NUP153: variants seen among roughly 807,000 people sequenced by gnomAD.
The protein encoded by NUP153 is nuclear pore complex protein Nup153.
NUP153 carries 27 observed loss-of-function variants against 134.6 expected under a neutral mutation model. That is an observed-to-expected ratio of 0.20 (90% CI 0.15 to 0.28). The LOEUF is 0.28. NUP153 is among the 10% of genes least tolerant of loss of function. NUP153 has a pLI of 1.00. For missense variants in NUP153, 1,821 were observed against 1,731.3 expected (o/e 1.05, Z -0.92); for synonymous variants, 640 against 623.5 (o/e 1.03, Z -0.40).
chr6:17,675,294 G>T lies in NUP153; in HGVS notation c.658C>A (p.Gln220Lys). The T allele has an allele frequency of 6.2e-7, 1 of 1,614,176 alleles. No individual in the cohort carries two copies. The stretch of plus-strand genomic sequence containing the variant: ...TTTTTTGAGCTGGTGGCAGTGTGCT[G>T]TGAGAGTGAGTGAGAACGTTCAGCT... ...PEAERSHSLS[Q>K]HTATSSKKPA... Residue 220 changes from glutamine to lysine, a missense_variant, in exon 4 of 22, where the codon CAG becomes AAG. Gln to Lys is a moderately conservative substitution (Grantham distance 53). Transcript: ENST00000262077. This position sits in a 1 kb window ranked among gnomAD's most constrained non-coding sequence, Gnocchi z 4.4.
Position 17,637,234 on chromosome 6 carries a change from C to T in NUP153, c.2383G>A (p.Gly795Arg), listed in dbSNP as rs1463266863. 1.9e-6 allele frequency: 3 copies of T among 1,614,166 alleles called. No homozygotes were observed. Among genetic ancestry groups the T allele is most frequent in the Non-Finnish European group, 2.5e-6 (3 of 1,180,030 alleles). Reference sequence around the variant, plus strand: ...CAGCATACTGAACACTCCCAAGATCCAATGGGCCTTTTGAATTTATCTCCA... The same window carrying T: ...CAGCATACTGAACACTCCCAAGATCTAATGGGCCTTTTGAATTTATCTCCA... ...GFGDKFKRPI[G>R]SWECSVCCVS... The change falls in exon 16 of 22, where the codon GGA becomes AGA. Residue 795 changes from glycine (G) to arginine (R), a missense_variant. Gly to Arg is a moderately radical substitution (Grantham distance 125). Transcript: ENST00000262077.
At chr6:17,684,393 G>C (rs1011536678) in intron 2 of NUP153, among the ~76,000 whole-genome samples, 20 of 152,124 alleles carry the variant, frequency 1.3e-4, no homozygotes, top group African/African-American at 4.8e-4. Flanking sequence ...CTGGCTTCCA[G>C]CTTTTCTCCT....
At position 17,646,173 on chromosome 6, in the gene NUP153, T is replaced by C. The variant is rs1228830758; in HGVS notation, c.1633-19A>G. ...ATCCAATCTGTAAAGAGAAAGAATA[T>C]CCTTATACTTCGTTTTCAATAAGTA... is the stretch of plus-strand genomic sequence containing the variant. On this transcript the variant is annotated intron_variant, in intron 13 of 21. Coordinates refer to ENST00000262077, the MANE Select transcript of NUP153 (RefSeq NM_005124.4). 42 of 1,316,240 alleles carry C rather than the reference T, an allele frequency of 3.2e-5. No individual in the cohort carries two copies. In the East Asian group the frequency reaches 8.1e-4, roughly 25 times the overall value. 81.5% of individuals were successfully genotyped at this position (1,316,240 alleles called of 1,614,324 possible).
chr6:17,630,215 G>A (rs1388197155), intron 17 of NUP153, among the ~76,000 whole-genome samples: 1 of 152,108 alleles, frequency 6.6e-6, no homozygotes, highest in African/African-American at 2.4e-5. Context: ...GAGGGAAGGT[G>A]GAAAAAGAGA....
chr6:17,641,692 A>G lies in NUP153; in HGVS notation c.1721-1628T>C, dbSNP rs1765849910. On this transcript the variant is annotated intron_variant, in intron 14 of 21. Transcript: ENST00000262077. ...CATGGTGAAACCCCGTTTCTACTAA[A>G]AATACAAAACAAATTAGCCGGGCGT... Among the ~76,000 whole-genome samples, 3 of 152,128 alleles carry G rather than the reference A, an allele frequency of 2.0e-5. No homozygotes were observed. In the South Asian group the frequency reaches 6.2e-4, roughly 32 times the overall value.
rs1765623998 is a variant in NUP153, at chr6:17,637,651, A to C, written c.1966T>G (p.Leu656Val). 6.2e-7 allele frequency: 1 copy of C among 1,613,618 alleles called. No individual in the cohort carries two copies. The highest frequency in any genetic ancestry group is 1.3e-5 in the African/African-American group (1 of 74,848). The change falls in exon 16 of 22, where the codon TTA (leucine) becomes GTA (valine). Residue 656 changes from leucine to valine, a missense_variant. By Grantham distance (32) the Leu-to-Val change is conservative (BLOSUM62 1). Transcript: ENST00000262077. ...SSSGIGFGESLKAGSSWQCDT... is the reference protein window; with the variant it reads ...SSSGIGFGESVKAGSSWQCDT... ...CACTGCCATGATGACCCAGCTTTTA[A>C]ACTCTCCCCAAACCCAATTCCACTA...
chr6:17,705,171 T>C (rs1770399002), intron 1 of NUP153, among the ~76,000 whole-genome samples: 2 of 152,246 alleles, frequency 1.3e-5, no homozygotes, highest in African/African-American at 4.8e-5. Context: ...AAGTCTACCT[T>C]TAACAGTAGG....
chr6:17,639,905 TG>T, intron 15 of NUP153, 33 bp downstream of exon 15: 1 of 1,570,824 alleles, frequency 6.4e-7, no homozygotes, highest in South Asian at 1.2e-5. Context: ...ATCATGAGTT[TG>T]TAATCAAAAG....
intron 1 of NUP153, among the ~76,000 whole-genome samples, chr6:17,693,876 C>G (rs957928653): frequency 1.3e-5 from 2 of 152,088 alleles, no homozygotes; most frequent in Non-Finnish European, 2.9e-5. Context: ...CCCAGCACTC[C>G]CAAAGTGCAC....
intron 1 of NUP153, among the ~76,000 whole-genome samples, chr6:17,692,660 GAAAAAGTT>G (rs1769356175): frequency 6.6e-6 from 1 of 152,148 alleles, no homozygotes. Context: ...AAGTCATTAA[GAAAAAGTT>G]AAATTAAGCT....
rs779964589 is a variant in NUP153 at position 17,625,920 on chromosome 6, T to C, written c.3789A>G (p.Thr1263=). The C allele has an allele frequency of 2.1e-5, 34 of 1,614,118 alleles. No homozygotes were observed. ...LFSQDSKLAT[T]SSTGTAVTPF... ...GGGTGACAGCTGTACCTGTGCTGGA[T>C]GTGGTTGCTAGTTTGCTATCTTGAG... The change falls in exon 19 of 22, where the codon ACA becomes ACG. Residue 1263 remains threonine, a synonymous_variant. Coordinates refer to ENST00000262077, the MANE Select transcript of NUP153 (RefSeq NM_005124.4). This position sits in a 1 kb window ranked among gnomAD's most constrained non-coding sequence, Gnocchi z 4.7.
chr6:17,659,823 A>G (rs1767076226), intron 11 of NUP153, among the ~76,000 whole-genome samples: 1 of 152,202 alleles, frequency 6.6e-6, no homozygotes, highest in Admixed American at 6.5e-5. Context: ...ACAAAAGAAA[A>G]TTGGTTTGCT....
At chr6:17,616,385 A>G (rs910200879) in intron 21 of NUP153, 142 bp downstream of exon 21, 4 of 839,370 alleles carry the variant, frequency 4.8e-6, no homozygotes, top group Non-Finnish European at 7.3e-6. Context: ...CTCCAGAATT[A>G]TAGTATGGTA....
rs946487979 is a variant in NUP153 at position 17,628,292 on chromosome 6, T to C, written c.3544+363A>G. ...CTATTTGTAAATAAAGGCCTTCCCATAGATTATGGTAGAAAATACTTCATA... is the reference window on the plus strand; with the variant it reads ...CTATTTGTAAATAAAGGCCTTCCCACAGATTATGGTAGAAAATACTTCATA... On this transcript the variant is annotated intron_variant, in intron 18 of 21. Transcript: ENST00000262077. The surrounding 1 kb of genome is among the most constrained non-coding windows in gnomAD (Gnocchi z 5.4). Among the ~76,000 whole-genome samples the C allele has an allele frequency of 2.0e-5, 3 of 152,194 alleles. No homozygotes were observed. The highest frequency in any genetic ancestry group is 7.2e-5 in the African/African-American group (3 of 41,442).
chr6:17,695,767 T>G (rs1016377471), intron 1 of NUP153, among the ~76,000 whole-genome samples: 1 of 152,166 alleles, frequency 6.6e-6, no homozygotes. Context: ...CCCAACACTT[T>G]AGGAGGCCAA....
At chr6:17,617,355 T>C (rs886335570) in intron 20 of NUP153, among the ~76,000 whole-genome samples, 1 of 151,256 alleles carries the variant, frequency 6.6e-6, no homozygotes. Flanking sequence ...CTGACTAGAG[T>C]TGATACTAAA....
At chr6:17,656,915 C>T (rs1399411313) in intron 11 of NUP153, among the ~76,000 whole-genome samples, 2 of 152,180 alleles carry the variant, frequency 1.3e-5, no homozygotes, top group Non-Finnish European at 2.9e-5. Context: ...TCAGTCTGCA[C>T]AGACTCTAGT....
chr6:17,705,262 A>T (rs949371404), intron 1 of NUP153, among the ~76,000 whole-genome samples: 2 of 152,228 alleles, frequency 1.3e-5, no homozygotes, highest in East Asian at 3.8e-4. Flanking sequence ...AGTATCACTG[A>T]TAAGTGGCTT....
intron 11 of NUP153, among the ~76,000 whole-genome samples, chr6:17,656,265 C>T (rs527388721): frequency 5.8e-4 from 89 of 152,200 alleles, no homozygotes; most frequent in South Asian, 4.6e-3. Context: ...CACATTAGTA[C>T]CTCTTTCCTC....
Sources: allele counts gnomAD v4.1 joint callset (sites outside exome capture counted in the v4.1 genomes callset), GRCh38; gene constraint gnomAD v4.1.1; non-coding constraint Gnocchi (gnomAD v3.1); transcripts MANE v1.5; gene names NCBI Gene and HGNC (gene_info 2026-07-23, HGNC 2026-07-21).